The following ZGPAT variants were observed in gnomAD, a reference collection of about 807,000 sequenced individuals.
ZGPAT encodes zinc finger CCCH-type and G-patch domain containing.
A neutral mutation model predicts 47.9 loss-of-function variants in ZGPAT; 39 were observed. The ratio of observed to expected loss-of-function variants is 0.81; its 90% confidence interval spans 0.63 to 1.06. The LOEUF is 1.06. Ranked by LOEUF, ZGPAT falls within the 50% of genes least tolerant of loss-of-function variation. The pLI, the probability that ZGPAT is intolerant of heterozygous loss-of-function variation, is 0.00. For synonymous variants in ZGPAT, 348 were observed against 292.9 expected (o/e 1.19, Z -1.92); for missense variants, 717 against 681.4 (o/e 1.05, Z -0.58).
At chr20:63,722,719 G>A (rs1271531392) in intron 2 of ZGPAT, among the ~76,000 whole-genome samples, 3 of 149,234 alleles carry the variant, frequency 2.0e-5, no homozygotes, top group East Asian at 4.0e-4. Flanking sequence ...TGCAACCTCC[G>A]CCTCCCAGGT....
chr20:63,731,173 T>A (rs2091897278), intron 2 of ZGPAT, among the ~76,000 whole-genome samples: 1 of 152,182 alleles, frequency 6.6e-6, no homozygotes. Flanking sequence ...GGAGCTGCTG[T>A]CAGAAGGCTG....
intron 2 of ZGPAT, among the ~76,000 whole-genome samples, chr20:63,721,090 G>A (rs983154685): frequency 2.6e-5 from 4 of 152,044 alleles, no homozygotes; most frequent in Admixed American, 6.6e-5. Flanking sequence ...AGTGGCTCAC[G>A]CCTGTAATGC....
intron 2 of ZGPAT, among the ~76,000 whole-genome samples, chr20:63,732,314 AG>A (rs1280516541): frequency 5.6e-5 from 3 of 53,468 alleles, no homozygotes; most frequent in South Asian, 1.1e-3. Flanking sequence ...TGTGTGGGTG[AG>A]GGGGCATGTG....
At chr20:63,708,524 C>CG (rs1300228108) in intron 1 of ZGPAT, 29 bp from the exon 2 acceptor site, 2 of 1,497,268 alleles carry the variant, frequency 1.3e-6, no homozygotes, top group East Asian at 4.7e-5. Context: ...TCCCGAGACG[C>CG]GGGGCTCAGC....
At chr20:63,714,844 T>C (rs937918133) in intron 2 of ZGPAT, among the ~76,000 whole-genome samples, 1 of 151,786 alleles carries the variant, frequency 6.6e-6, no homozygotes, top group African/African-American at 2.4e-5. Flanking sequence ...GGGTCCTGCT[T>C]TGCTGCCCAG....
chr20:63,710,249 G>T (rs548987450), intron 2 of ZGPAT, among the ~76,000 whole-genome samples: 9 of 150,134 alleles, frequency 6.0e-5, no homozygotes, highest in African/African-American at 2.0e-4. Context: ...TGTCTCCCGG[G>T]TTGAAGTAAT....
intron 2 of ZGPAT, among the ~76,000 whole-genome samples, chr20:63,732,192 TGGGTGCGGGTG>T: frequency 6.6e-6 from 1 of 150,872 alleles, no homozygotes. Flanking sequence ...TGTGCATGTG[TGGGTGCGGGTG>T]CATCTGTGTG....
intron 2 of ZGPAT, among the ~76,000 whole-genome samples, chr20:63,713,525 C>G (rs2091692617): frequency 6.6e-6 from 1 of 151,334 alleles, no homozygotes; most frequent in Non-Finnish European, 1.5e-5. Flanking sequence ...GCCACTGTGC[C>G]CGGCTGGAGT....
At chr20:63,715,177 C>T (rs1414712798) in intron 2 of ZGPAT, among the ~76,000 whole-genome samples, 1 of 151,908 alleles carries the variant, frequency 6.6e-6, no homozygotes, top group Non-Finnish European at 1.5e-5. Flanking sequence ...AGTGATCCTC[C>T]TGCCTCAGCC....
At chr20:63,711,022 G>A (rs937457183) in intron 2 of ZGPAT, among the ~76,000 whole-genome samples, 9 of 147,454 alleles carry the variant, frequency 6.1e-5, no homozygotes, top group African/African-American at 2.2e-4. Flanking sequence ...TTCTTTGAAT[G>A]TCTTCCTTTT....
intron 2 of ZGPAT, among the ~76,000 whole-genome samples, chr20:63,724,182 A>G (rs1045919915): frequency 4.6e-5 from 7 of 152,126 alleles, no homozygotes; most frequent in African/African-American, 1.7e-4. Context: ...CCTGGCCAAC[A>G]TGGTGAAACC....
chr20:63,716,069 G>A (rs1014065070), intron 2 of ZGPAT, among the ~76,000 whole-genome samples: 5 of 152,048 alleles, frequency 3.3e-5, no homozygotes, highest in East Asian at 1.9e-4. Context: ...TCGCTCTGTC[G>A]CCCAGGCTGG....
At chr20:63,715,942 G>T (rs922877136) in intron 2 of ZGPAT, among the ~76,000 whole-genome samples, 3 of 152,116 alleles carry the variant, frequency 2.0e-5, no homozygotes, top group African/African-American at 7.2e-5. Flanking sequence ...AAGCTAAAAC[G>T]TATAACTGTA....
upstream of ZGPAT, chr20:63,707,442 G>C (rs920663565): frequency 4.7e-6 from 1 of 213,812 alleles, no homozygotes; most frequent in Admixed American, 5.7e-5. Context: ...CGCGCGGAAC[G>C]GGGAACACAC....
intron 2 of ZGPAT, chr20:63,730,385 G>A (rs2427530): frequency 0.2 from 29,881 of 152,184 alleles, 3,812 homozygotes; most frequent in East Asian, 0.61. Context: ...GTCTACGCAT[G>A]AGACAAAATC....
chr20:63,711,028 C>CT (rs34657783), intron 2 of ZGPAT, among the ~76,000 whole-genome samples: 4,373 of 139,812 alleles, frequency 0.031, 118 homozygotes, highest in South Asian at 0.068. Flanking sequence ...GAATGTCTTC[C>CT]TTTTTTTTTT....
chr20:63,716,200 T>C (rs1006802558), intron 2 of ZGPAT, among the ~76,000 whole-genome samples: 5 of 152,190 alleles, frequency 3.3e-5, no homozygotes, highest in African/African-American at 1.2e-4. Flanking sequence ...TGGCTAATTT[T>C]TGTATTTTTA....
At chr20:63,730,334 G>A (rs1368670106) in intron 2 of ZGPAT, 1 of 152,272 alleles carries the variant, frequency 6.6e-6, no homozygotes, top group Non-Finnish European at 1.5e-5. Flanking sequence ...AGAAGGAACC[G>A]CCCAAAATCC....
chr20:63,707,561 T>C (rs761891678), upstream of ZGPAT: 98 of 159,760 alleles, frequency 6.1e-4, no homozygotes, highest in Non-Finnish European at 8.6e-4. Flanking sequence ...AGGCGCCGGG[T>C]AGGGACGCCC....
Sources: gnomAD v4.1 joint callset for allele counts (sites outside exome capture counted in the v4.1 genomes callset) on GRCh38, gnomAD v4.1.1 for gene constraint, MANE v1.5 for transcripts, NCBI Gene and HGNC (gene_info 2026-07-23, HGNC 2026-07-21) for gene names.